The following RUNX1 variants were observed in gnomAD, a reference collection of about 807,000 sequenced individuals.
RUNX1 encodes the protein RUNX family transcription factor 1.
In RUNX1, 19 loss-of-function variants were observed where a neutral mutation model predicts 42.8. That is an observed-to-expected ratio of 0.44 (90% CI 0.31 to 0.65). The LOEUF is 0.65. Among genes scored for constraint, RUNX1 ranks in the 30% least tolerant of loss-of-function variants. RUNX1 has a pLI of 0.07. For missense variants in RUNX1, 528 were observed against 672.0 expected, an observed-to-expected ratio of 0.79 and a Z score of 2.37; for synonymous variants, 271 against 289.4, an observed-to-expected ratio of 0.94 and a Z score of 0.64.
chr21:34,928,984 T>C (rs745928058), intron 2 of RUNX1, among the ~76,000 whole-genome samples: 1 of 151,760 alleles, frequency 6.6e-6, no homozygotes, highest in Non-Finnish European at 1.5e-5. Flanking sequence ...AGATTTCACT[T>C]TGTGTACAAA....
chr21:35,027,879 T>C (rs1883067), intron 2 of RUNX1, among the ~76,000 whole-genome samples: 8,112 of 152,338 alleles, frequency 0.053, 302 homozygotes, highest in Non-Finnish European at 0.07. Flanking sequence ...TTGAATATTC[T>C]AGATCCAATG....
intron 2 of RUNX1, among the ~76,000 whole-genome samples, chr21:34,936,469 T>C (rs1249370919): frequency 2.6e-5 from 4 of 152,208 alleles, no homozygotes; most frequent in Admixed American, 6.5e-5. Context: ...ACCCATCTCC[T>C]GTGTAACAGA....
At chr21:34,836,561 A>G (rs755475305) in intron 6 of RUNX1, among the ~76,000 whole-genome samples, 5 of 152,212 alleles carry the variant, frequency 3.3e-5, no homozygotes, top group African/African-American at 4.8e-5. Context: ...TCAAAACATA[A>G]TAACTCAGCC....
intron 4 of RUNX1, among the ~76,000 whole-genome samples, chr21:34,882,886 T>A (rs1196929962): frequency 6.6e-6 from 1 of 152,222 alleles, no homozygotes. Flanking sequence ...CAGGCTTCTC[T>A]ATTGTAACTC....
chr21:34,858,256 T>C (rs777075455), intron 6 of RUNX1, among the ~76,000 whole-genome samples: 11 of 152,096 alleles, frequency 7.2e-5, no homozygotes, highest in Admixed American at 6.5e-5. Flanking sequence ...GATCACAGGA[T>C]AGCCTGCAGA....
chr21:34,909,436 C>A (rs2058253274), intron 2 of RUNX1, among the ~76,000 whole-genome samples: 1 of 151,858 alleles, frequency 6.6e-6, no homozygotes. Context: ...CACATCAAAC[C>A]CTCCTCTGCA....
intron 2 of RUNX1, among the ~76,000 whole-genome samples, chr21:34,967,065 TC>T (rs984128499): frequency 3.3e-5 from 5 of 151,806 alleles, no homozygotes; most frequent in African/African-American, 1.2e-4. Context: ...AATAGTATTT[TC>T]CCAGGCCGGG....
Position 34,837,286 on chromosome 21 carries a change from G to A in RUNX1, c.614-2685C>T, listed in dbSNP as rs575835719. 2.0e-5 allele frequency among the ~76,000 whole-genome samples: 3 copies of A among 152,300 alleles called. No individual in the cohort carries two copies. In the South Asian group the frequency reaches 6.2e-4, roughly 32 times the overall value. ...ACTCTCCCCACGTGTGTTCCTGGGA[G>A]TCAGTAGGAACGTTATTGCCTTGGT... On this transcript the variant is annotated intron_variant, in intron 6 of 8. Coordinates refer to ENST00000675419, the MANE Select transcript of RUNX1 (RefSeq NM_001754.5).
chr21:34,998,347 G>T (rs538596058), intron 2 of RUNX1, among the ~76,000 whole-genome samples: 1 of 152,008 alleles, frequency 6.6e-6, no homozygotes, highest in South Asian at 2.1e-4. Flanking sequence ...AACGTCCAGA[G>T]ACCACCGTGT....
At chr21:34,816,392 G>A (rs770710033) in intron 7 of RUNX1, among the ~76,000 whole-genome samples, 9 of 151,746 alleles carry the variant, frequency 5.9e-5, no homozygotes, top group Non-Finnish European at 1.3e-4. Flanking sequence ...TAGCGGGTGG[G>A]GGCACGCTCA....
chr21:34,870,192 G>A (rs1248473873), intron 5 of RUNX1, among the ~76,000 whole-genome samples: 2 of 152,208 alleles, frequency 1.3e-5, no homozygotes, highest in Non-Finnish European at 2.9e-5. Flanking sequence ...ACCTCTGGTT[G>A]TTGTTGCTGT....
At chr21:34,870,273 G>C (rs2057718452) in intron 5 of RUNX1, among the ~76,000 whole-genome samples, 1 of 152,194 alleles carries the variant, frequency 6.6e-6, no homozygotes, top group Admixed American at 6.5e-5. Flanking sequence ...ACTGCAAAAA[G>C]TAACAACTCC....
At chr21:34,861,841 G>A (rs1333391493) in intron 5 of RUNX1, among the ~76,000 whole-genome samples, 1 of 152,080 alleles carries the variant, frequency 6.6e-6, no homozygotes, top group Non-Finnish European at 1.5e-5. Flanking sequence ...TGGCTGTTTG[G>A]GCTGCCTCAT....
Position 34,907,339 on chromosome 21 carries a change from A to G in RUNX1, c.59-14376T>C, listed in dbSNP as rs1282067820. 6.6e-6 allele frequency among the ~76,000 whole-genome samples: 1 copy of G among 152,196 alleles called. No homozygotes were observed. The highest frequency in any genetic ancestry group is 1.5e-5 in the Non-Finnish European group (1 of 68,032). On this transcript the variant is annotated intron_variant, in intron 2 of 8. Transcript: ENST00000675419. This position sits in a 1 kb window ranked among gnomAD's most constrained non-coding sequence, Gnocchi z 5.3. Reference sequence around the variant, plus strand: ...CTAAACAATAGGTTGTGACCCATAGATTGGTTGTTAATAATAATAATAACA... The same window carrying G: ...CTAAACAATAGGTTGTGACCCATAGGTTGGTTGTTAATAATAATAATAACA...
At chr21:34,927,542 T>C (rs1374455828) in intron 2 of RUNX1, among the ~76,000 whole-genome samples, 2 of 152,136 alleles carry the variant, frequency 1.3e-5, no homozygotes, top group African/African-American at 2.4e-5. Context: ...GCTACTCATT[T>C]CTCCTGAGCC....
chr21:34,828,706 T>C (rs909773967), intron 7 of RUNX1, among the ~76,000 whole-genome samples: 2 of 152,256 alleles, frequency 1.3e-5, no homozygotes, highest in African/African-American at 4.8e-5. Flanking sequence ...AATGAATTCA[T>C]GCTACCATTG....
At chr21:34,917,708 T>A (rs2058322174) in intron 2 of RUNX1, among the ~76,000 whole-genome samples, 1 of 152,122 alleles carries the variant, frequency 6.6e-6, no homozygotes, top group Non-Finnish European at 1.5e-5. Flanking sequence ...ATACAAGCAT[T>A]GAAATGAATG....
intron 2 of RUNX1, among the ~76,000 whole-genome samples, chr21:34,960,913 G>T (rs960588936): frequency 6.6e-6 from 1 of 152,112 alleles, no homozygotes; most frequent in African/African-American, 2.4e-5. Flanking sequence ...TGCCTGCAAA[G>T]GTCCCCTCTT....
chr21:34,811,236 A>AT (rs145450537), intron 7 of RUNX1, among the ~76,000 whole-genome samples: 2,199 of 152,326 alleles, frequency 0.014, 59 homozygotes, highest in African/African-American at 0.051. Context: ...GGGAAGTAGA[A>AT]TTCCCCAAGT....
Sources: gnomAD v4.1 joint callset for allele counts (sites outside exome capture counted in the v4.1 genomes callset) on GRCh38, gnomAD v4.1.1 for gene constraint, Gnocchi (gnomAD v3.1) non-coding constraint, MANE v1.5 for transcripts, NCBI Gene and HGNC (gene_info 2026-07-23, HGNC 2026-07-21) for gene names.